The following SUPT3H variants were observed in gnomAD, a reference collection of about 807,000 sequenced individuals.
The protein encoded by SUPT3H is transcription initiation protein SPT3 homolog.
In SUPT3H, 44 loss-of-function variants were observed where a neutral mutation model predicts 44.3. That is an observed-to-expected ratio of 0.99 (90% confidence interval 0.78 to 1.28). The LOEUF (loss-of-function observed/expected upper bound fraction) is 1.28. Ranked by LOEUF, SUPT3H falls within the 50% of genes most tolerant of loss-of-function variation. The probability of loss-of-function intolerance (pLI) is 0.00; values close to 1 mark genes in which losing one functional copy is unlikely to be tolerated. For synonymous variants in SUPT3H, 124 were observed against 125.6 expected (o/e 0.99, Z 0.09); for missense variants, 380 against 387.1 (o/e 0.98, Z 0.15).
chr6:44,960,906 T>C (rs1489399916), intron 7 of SUPT3H, among the ~76,000 whole-genome samples: 1 of 152,214 alleles, frequency 6.6e-6, no homozygotes, highest in African/African-American at 2.4e-5. Flanking sequence ...TTATAATCTA[T>C]AAATGAAGCT....
chr6:45,245,573 T>C (rs1771191854), intron 2 of SUPT3H, among the ~76,000 whole-genome samples: 1 of 152,176 alleles, frequency 6.6e-6, no homozygotes, highest in Non-Finnish European at 1.5e-5. Flanking sequence ...TCACTTAGCC[T>C]AATGTTTTCT....
At chr6:44,905,886 A>C (rs1379671789) in intron 10 of SUPT3H, among the ~76,000 whole-genome samples, 1 of 152,204 alleles carries the variant, frequency 6.6e-6, no homozygotes, top group East Asian at 1.9e-4. Context: ...GACATGGATG[A>C]AGCTGGAAAC....
chr6:44,837,322 C>A (rs1490345343), intron 10 of SUPT3H, among the ~76,000 whole-genome samples: 1 of 152,118 alleles, frequency 6.6e-6, no homozygotes, highest in African/African-American at 2.4e-5. Context: ...TAAGGCATAA[C>A]CCAATGCATG....
chr6:45,082,209 G>A (rs974084357), intron 3 of SUPT3H, among the ~76,000 whole-genome samples: 5 of 151,918 alleles, frequency 3.3e-5, no homozygotes, highest in African/African-American at 7.3e-5. Context: ...AACTCTACCA[G>A]ACATACAAAG....
Position 45,322,973 on chromosome 6 carries a change from G to A in SUPT3H, c.101+42228C>T, listed in dbSNP as rs540552692. 5 of 1,595,712 alleles carry A rather than the reference G, an allele frequency of 3.1e-6. 1 individual carries two copies. In the African/African-American group the frequency reaches 4.1e-5, roughly 13 times the overall value. ...CTGTTATTGATAAGCAGTTTCTAAA[G>A]GAGAAAAAACTTCAAACAATTAAGC... On this transcript the variant is annotated intron_variant, in intron 2 of 10. Transcript: ENST00000371459.
chr6:45,335,262 T>G (rs184158137), intron 2 of SUPT3H, among the ~76,000 whole-genome samples: 2 of 151,428 alleles, frequency 1.3e-5, no homozygotes, highest in East Asian at 3.9e-4. Context: ...AGATATAATT[T>G]TACTAAATGA....
At chr6:45,298,664 T>A (rs1382909676) in intron 2 of SUPT3H, among the ~76,000 whole-genome samples, 1 of 152,140 alleles carries the variant, frequency 6.6e-6, no homozygotes, top group Admixed American at 6.5e-5. Flanking sequence ...TACAAAGTTA[T>A]CAGATCTGCT....
At chr6:45,334,658 CTATG>C (rs1788190915) in intron 2 of SUPT3H, among the ~76,000 whole-genome samples, 1 of 151,054 alleles carries the variant, frequency 6.6e-6, no homozygotes, top group South Asian at 2.1e-4. Flanking sequence ...TTTCTTCTGG[CTATG>C]TTTGTCTTAA....
At chr6:45,184,187 T>C (rs1423130681) in intron 2 of SUPT3H, among the ~76,000 whole-genome samples, 1 of 152,202 alleles carries the variant, frequency 6.6e-6, no homozygotes, top group Non-Finnish European at 1.5e-5. Flanking sequence ...AAAAAGTCCA[T>C]AAATCTTTTT....
chr6:45,009,632 T>G (rs1456189414), intron 5 of SUPT3H, among the ~76,000 whole-genome samples: 1 of 152,190 alleles, frequency 6.6e-6, no homozygotes, highest in Non-Finnish European at 1.5e-5. Flanking sequence ...AAATGCTCAT[T>G]ACTGAACTCT....
At chr6:44,866,950 T>C (rs115493901) in intron 10 of SUPT3H, among the ~76,000 whole-genome samples, 2,025 of 152,278 alleles carry the variant, frequency 0.013, 47 homozygotes, top group African/African-American at 0.046. Context: ...ATCACAATTT[T>C]AGATATTCTC....
intron 10 of SUPT3H, among the ~76,000 whole-genome samples, chr6:44,910,138 C>T (rs1353184187): frequency 6.6e-6 from 1 of 152,154 alleles, no homozygotes; most frequent in Admixed American, 6.5e-5. Flanking sequence ...TCATGCTCAA[C>T]TCTCTACCTG....
chr6:45,070,375 C>G (rs1338304244), intron 3 of SUPT3H, among the ~76,000 whole-genome samples: 1 of 152,082 alleles, frequency 6.6e-6, no homozygotes. Flanking sequence ...AGGATCCAAC[C>G]TAATCTTATT....
intron 2 of SUPT3H, among the ~76,000 whole-genome samples, chr6:45,124,068 T>C (rs924072436): frequency 3.3e-5 from 5 of 152,278 alleles, no homozygotes; most frequent in Admixed American, 6.5e-5. Flanking sequence ...TATCAAATAA[T>C]ATGAATTAAG....
At chr6:45,173,738 T>A (rs1811218314) in intron 2 of SUPT3H, among the ~76,000 whole-genome samples, 1 of 152,176 alleles carries the variant, frequency 6.6e-6, no homozygotes, top group African/African-American at 2.4e-5. Flanking sequence ...CATACATACT[T>A]CAAAAGCCTA....
At chr6:45,263,650 G>A (rs1488106209) in intron 2 of SUPT3H, among the ~76,000 whole-genome samples, 1 of 152,050 alleles carries the variant, frequency 6.6e-6, no homozygotes, top group African/African-American at 2.4e-5. Flanking sequence ...GGAGGAAAAA[G>A]GCTATCATTT....
chr6:45,256,619 A>G (rs1773453565), intron 2 of SUPT3H, among the ~76,000 whole-genome samples: 1 of 149,824 alleles, frequency 6.7e-6, no homozygotes. Context: ...CTCCACCACC[A>G]CCACTCTAAG....
chr6:45,368,833 G>C (rs1033652806), intron 1 of SUPT3H, among the ~76,000 whole-genome samples: 3 of 151,834 alleles, frequency 2.0e-5, no homozygotes, highest in Non-Finnish European at 2.9e-5. Flanking sequence ...TTTATAATTA[G>C]AACATTTTTA....
intron 2 of SUPT3H, among the ~76,000 whole-genome samples, chr6:45,235,519 T>G (rs765756404): frequency 6.8e-4 from 104 of 152,252 alleles, no homozygotes; most frequent in Non-Finnish European, 1.3e-3. Context: ...TGTGTGTGTG[T>G]GTACCTGAGA....
Sources: gnomAD v4.1 joint callset for allele counts (sites outside exome capture counted in the v4.1 genomes callset) on GRCh38, gnomAD v4.1.1 for gene constraint, MANE v1.5 for transcripts, NCBI Gene and HGNC (gene_info 2026-07-23, HGNC 2026-07-21) for gene names.